PDGFD: variants seen among roughly 807,000 people sequenced by gnomAD.
PDGFD encodes platelet derived growth factor D.
PDGFD carries 30 observed loss-of-function variants against 44.7 expected under a neutral mutation model. The ratio of observed to expected loss-of-function variants is 0.67; its 90% CI spans 0.50 to 0.91. PDGFD has a LOEUF of 0.91. Among genes scored for constraint, PDGFD ranks in the 40% least tolerant of loss-of-function variants. The probability of loss-of-function intolerance (pLI) is 0.00; values close to 1 mark genes in which losing one functional copy is unlikely to be tolerated. For synonymous variants in PDGFD, 173 were observed against 168.4 expected, an observed-to-expected ratio of 1.03 and a Z score of -0.21; for missense variants, 445 against 457.8, an observed-to-expected ratio of 0.97 and a Z score of 0.25.
At chr11:103,968,598 ATCTTCTAG>A (rs1265439975) in intron 3 of PDGFD, among the ~76,000 whole-genome samples, 1 of 152,128 alleles carries the variant, frequency 6.6e-6, no homozygotes, top group Non-Finnish European at 1.5e-5. Flanking sequence ...TCAAAGCCAT[ATCTTCTAG>A]TCTATGCTTC....
At chr11:103,950,191 A>G (rs1858730242) in intron 3 of PDGFD, among the ~76,000 whole-genome samples, 1 of 152,126 alleles carries the variant, frequency 6.6e-6, no homozygotes, top group Non-Finnish European at 1.5e-5. Context: ...GAAGAGGGAC[A>G]GTTTTAAAAT....
chr11:103,979,906 T>C (rs1002737526), intron 3 of PDGFD, among the ~76,000 whole-genome samples: 5 of 152,136 alleles, frequency 3.3e-5, no homozygotes, highest in Non-Finnish European at 7.4e-5. Flanking sequence ...TTCTAACTAA[T>C]TGTAACTTCA....
intron 1 of PDGFD, among the ~76,000 whole-genome samples, chr11:104,153,409 A>G (rs775785050): frequency 1.3e-5 from 2 of 152,214 alleles, no homozygotes; most frequent in African/African-American, 2.4e-5. Flanking sequence ...CTATATCTGC[A>G]GATGTCAGAT....
intron 3 of PDGFD, among the ~76,000 whole-genome samples, chr11:103,981,829 G>C (rs1346243873): frequency 2.0e-5 from 3 of 151,762 alleles, no homozygotes; most frequent in African/African-American, 7.3e-5. Context: ...TTTTAAGGCT[G>C]CTGCTGCTGT....
rs779941642 is a variant in PDGFD, at chr11:104,047,498, T to C, written c.125-47243A>G. The stretch of plus-strand genomic sequence containing the variant: ...GCATTTCTCTAATGACCAGTGATGA[T>C]GCGCTTTTTTTCATGTTTGTTGGCT... On this transcript the variant is annotated intron_variant, in intron 1 of 6. Transcript: ENST00000393158. 2.1e-4 allele frequency among the ~76,000 whole-genome samples: 31 copies of C among 147,470 alleles called. 3 individuals are homozygous for C. The highest frequency in any genetic ancestry group is 3.9e-4 in the Non-Finnish European group (26 of 66,006).
chr11:103,993,347 G>T (rs904084964), intron 3 of PDGFD, among the ~76,000 whole-genome samples: 1 of 151,628 alleles, frequency 6.6e-6, no homozygotes, highest in Non-Finnish European at 1.5e-5. Flanking sequence ...AAAATGCTGG[G>T]ATTATAGGCC....
chr11:103,929,351 C>A (rs77309134), intron 5 of PDGFD, among the ~76,000 whole-genome samples: 1 of 152,070 alleles, frequency 6.6e-6, no homozygotes, highest in Non-Finnish European at 1.5e-5. Flanking sequence ...GATGTTGAAC[C>A]AGGGTTGGGT....
intron 1 of PDGFD, among the ~76,000 whole-genome samples, chr11:104,121,938 A>G (rs1213869169): frequency 1.3e-5 from 2 of 152,054 alleles, no homozygotes; most frequent in African/African-American, 4.8e-5. Flanking sequence ...ACTGATACCC[A>G]TGAAATTAGA....
intron 3 of PDGFD, among the ~76,000 whole-genome samples, chr11:103,992,519 G>A (rs1859472563): frequency 6.6e-6 from 1 of 152,184 alleles, no homozygotes; most frequent in African/African-American, 2.4e-5. Flanking sequence ...CAAAGGATAA[G>A]AAAGCTGTTT....
intron 1 of PDGFD, among the ~76,000 whole-genome samples, chr11:104,041,314 A>T (rs1013988017): frequency 1.3e-5 from 2 of 152,214 alleles, no homozygotes; most frequent in African/African-American, 4.8e-5. Flanking sequence ...ATATGTTGGT[A>T]CAAAAGAATA....
At chr11:104,138,756 A>T (rs572351339) in intron 1 of PDGFD, among the ~76,000 whole-genome samples, 10 of 152,282 alleles carry the variant, frequency 6.6e-5, no homozygotes, top group Admixed American at 2.6e-4. Flanking sequence ...AACATAGGGT[A>T]CAGTATGGAG....
At chr11:103,983,934 G>A (rs1219525919) in intron 3 of PDGFD, among the ~76,000 whole-genome samples, 15 of 151,574 alleles carry the variant, frequency 9.9e-5, no homozygotes, top group Non-Finnish European at 1.9e-4. Flanking sequence ...GGAGAAAAAC[G>A]AATGCTTATA....
At chr11:104,074,541 G>A (rs1860926607) in intron 1 of PDGFD, among the ~76,000 whole-genome samples, 1 of 152,156 alleles carries the variant, frequency 6.6e-6, no homozygotes, top group South Asian at 2.1e-4. Context: ...GTGAAGAAAA[G>A]CAGGCATCAA....
intron 1 of PDGFD, among the ~76,000 whole-genome samples, chr11:104,009,561 T>C (rs1467090088): frequency 2.6e-5 from 4 of 151,872 alleles, no homozygotes. Context: ...GATGAGACAA[T>C]GTGCGGTGTT....
chr11:104,111,811 T>C (rs1861562961), intron 1 of PDGFD, among the ~76,000 whole-genome samples: 1 of 152,164 alleles, frequency 6.6e-6, no homozygotes. Flanking sequence ...GTGGGAATTA[T>C]AAAATTAAGC....
In PDGFD at chr11:103,937,677, A is replaced by G. The variant is rs543273863; in HGVS notation, c.772+5775T>C. Reference sequence around the variant, plus strand: ...ATTAACTCGTCATTTAACATTAGGTATATCTCCTAATGCTATCCCTCCCCC... The same window carrying G: ...ATTAACTCGTCATTTAACATTAGGTGTATCTCCTAATGCTATCCCTCCCCC... On this transcript the variant is annotated intron_variant, in intron 5 of 6. Coordinates refer to ENST00000393158, the MANE Select transcript of PDGFD (RefSeq NM_025208.5). 4.2e-3 allele frequency among the ~76,000 whole-genome samples: 615 copies of G among 148,100 alleles called. 8 individuals carry two copies. Among genetic ancestry groups the G allele is most frequent in the African/African-American group, 0.014 (575 of 40,556 alleles).
intron 1 of PDGFD, among the ~76,000 whole-genome samples, chr11:104,159,313 G>C (rs1194634534): frequency 1.3e-5 from 2 of 152,152 alleles, no homozygotes; most frequent in Non-Finnish European, 2.9e-5. Flanking sequence ...AATCCTTTTA[G>C]AAAGATCAAT....
rs534813112 is a variant in PDGFD at position 104,072,312 on chromosome 11, T to C, written c.125-72057A>G. Among the ~76,000 whole-genome samples the C allele has an allele frequency of 1.2e-4, 18 of 151,992 alleles. 1 individual carries two copies. The highest frequency in any genetic ancestry group is 3.4e-4 in the African/African-American group (14 of 41,560). ...TTTTCCACAAATAAATTTTGCACAT[T>C]CTTTGTTAAATTTTTTCCTGTAGAT... is the stretch of plus-strand genomic sequence containing the variant. On this transcript the variant is annotated intron_variant, in intron 1 of 6. Transcript: ENST00000393158.
chr11:103,955,793 TTAAA>T (rs1019229716), intron 3 of PDGFD, among the ~76,000 whole-genome samples: 15 of 152,070 alleles, frequency 9.9e-5, no homozygotes, highest in Non-Finnish European at 1.5e-4. Flanking sequence ...ATATCTTTAA[TTAAA>T]TAAATAAATT....
Sources: gnomAD v4.1 joint callset for allele counts (sites outside exome capture counted in the v4.1 genomes callset) on GRCh38, gnomAD v4.1.1 for gene constraint, MANE v1.5 for transcripts, NCBI Gene and HGNC (gene_info 2026-07-23, HGNC 2026-07-21) for gene names.